Variants in MYMX observed in about 807,000 individuals in gnomAD.
MYMX encodes the protein protein myomixer.
At chr6:44,200,654 G>T in the MYMX span, among the ~76,000 whole-genome samples, 8 of 152,056 alleles carry the variant, frequency 5.3e-5, no homozygotes, top group African/African-American at 1.9e-4. Flanking sequence ...TGGCATTGTG[G>T]TTTTTGCTGC....
the MYMX span, among the ~76,000 whole-genome samples, chr6:44,200,609 C>T: frequency 6.6e-6 from 1 of 152,224 alleles, no homozygotes. Flanking sequence ...GCCATCGCGC[C>T]TGGCCATCAG....
the MYMX span, among the ~76,000 whole-genome samples, chr6:44,200,169 T>C: frequency 6.7e-6 from 1 of 149,620 alleles, no homozygotes. Flanking sequence ...AGCCTACCTC[T>C]TAAAAAAAAA....
chr6:44,197,171 G>A, the MYMX span, among the ~76,000 whole-genome samples: 1 of 152,208 alleles, frequency 6.6e-6, no homozygotes, highest in African/African-American at 2.4e-5. Context: ...AGGAAGCAGA[G>A]GCTGCAGTGA....
chr6:44,198,152 C>CTTT, the MYMX span, among the ~76,000 whole-genome samples: 2 of 137,276 alleles, frequency 1.5e-5, no homozygotes, highest in South Asian at 2.3e-4. Flanking sequence ...TCCCAAATTC[C>CTTT]TCTTTTTTTT....
At position 44,217,804 on chromosome 6, in the gene MYMX, C is replaced by T. The variant is rs1403223833; in HGVS notation, c.*78C>T. The T allele has an allele frequency of 3.5e-5, 14 of 400,300 alleles. No homozygotes were observed. Among genetic ancestry groups the T allele is most frequent in the Non-Finnish European group, 5.7e-5 (13 of 226,282 alleles). The allele number at this position is 400,300 out of a possible 1,614,324, so 24.8% of individuals were successfully genotyped here. On this transcript the variant is annotated 3_prime_UTR_variant, in exon 2 of 2. Transcript: ENST00000573382. The stretch of plus-strand genomic sequence containing the variant: ...GGATAATCCTGGCACCAGCACTGAC[C>T]GAAGCCTGCCCAGTGGACAGAAGAT...
At chr6:44,196,484 G>A in the MYMX span, among the ~76,000 whole-genome samples, 2 of 152,028 alleles carry the variant, frequency 1.3e-5, no homozygotes, top group African/African-American at 4.8e-5. Context: ...TTTGAGACCA[G>A]CCTGGCCAAC....
chr6:44,211,361 T>G, the MYMX span, among the ~76,000 whole-genome samples: 1 of 152,276 alleles, frequency 6.6e-6, no homozygotes, highest in East Asian at 1.9e-4. Flanking sequence ...GTTAGGAAAC[T>G]TATAAGGTAT....
At chr6:44,214,862 C>T (rs1775777039), upstream of MYMX, among the ~76,000 whole-genome samples, 1 of 152,050 alleles carries the variant, frequency 6.6e-6, no homozygotes. Context: ...TATGAGCCAC[C>T]ATGTCTGGCT....
chr6:44,199,684 G>T, the MYMX span, among the ~76,000 whole-genome samples: 3 of 127,092 alleles, frequency 2.4e-5, no homozygotes, highest in Admixed American at 9.0e-5. Context: ...ATTTGGGGGA[G>T]AACTAATTTT....
At chr6:44,194,482 C>T in the MYMX span, among the ~76,000 whole-genome samples, 3 of 152,304 alleles carry the variant, frequency 2.0e-5, no homozygotes, top group East Asian at 1.9e-4. Flanking sequence ...CATGGTGTGG[C>T]GTGGCAAGGT....
At chr6:44,208,723 G>C in the MYMX span, among the ~76,000 whole-genome samples, 2 of 152,254 alleles carry the variant, frequency 1.3e-5, no homozygotes, top group East Asian at 3.9e-4. Flanking sequence ...AAGCACCTAG[G>C]GTGAGTGGCA....
At chr6:44,196,839 T>TA in the MYMX span, among the ~76,000 whole-genome samples, 1 of 151,946 alleles carries the variant, frequency 6.6e-6, no homozygotes, top group Non-Finnish European at 1.5e-5. Context: ...ATGCCTGTAA[T>TA]CCCAGCTGCT....
chr6:44,199,541 G>A, the MYMX span, among the ~76,000 whole-genome samples: 1 of 151,922 alleles, frequency 6.6e-6, no homozygotes, highest in African/African-American at 2.4e-5. Context: ...GTTATTCTTG[G>A]TCTTTTTTTC....
At chr6:44,215,944 A>C (rs961930512), upstream of MYMX, among the ~76,000 whole-genome samples, 1 of 152,238 alleles carries the variant, frequency 6.6e-6, no homozygotes, top group African/African-American at 2.4e-5. Context: ...CATAAAACCC[A>C]GGCTATAAAC....
At chr6:44,212,077 A>C (rs1212500517), upstream of MYMX, among the ~76,000 whole-genome samples, 1 of 152,050 alleles carries the variant, frequency 6.6e-6, no homozygotes, top group Non-Finnish European at 1.5e-5. Context: ...TGCCTGGCTA[A>C]AAGAGAGGAT....
At chr6:44,198,386 CG>C in the MYMX span, among the ~76,000 whole-genome samples, 1 of 151,734 alleles carries the variant, frequency 6.6e-6, no homozygotes, top group Non-Finnish European at 1.5e-5. Context: ...AGGATGGTCT[CG>C]ATCTCCTGAC....
the MYMX span, among the ~76,000 whole-genome samples, chr6:44,195,632 A>G: frequency 7.8e-6 from 1 of 127,684 alleles, no homozygotes; most frequent in African/African-American, 2.5e-5. Context: ...ATACCTGGCT[A>G]TGTTTCTACT....
At chr6:44,213,329 T>A (rs1188148511), upstream of MYMX, among the ~76,000 whole-genome samples, 2 of 151,376 alleles carry the variant, frequency 1.3e-5, no homozygotes, top group African/African-American at 4.9e-5. Flanking sequence ...GAGGTTGTAG[T>A]GAGCTGAGAT....
chr6:44,203,039 CTT>C, the MYMX span, among the ~76,000 whole-genome samples: 1 of 152,204 alleles, frequency 6.6e-6, no homozygotes, highest in Non-Finnish European at 1.5e-5. Flanking sequence ...TGGGATGTGA[CTT>C]AGCCAAGGTC....
Sources: gnomAD v4.1 joint callset for allele counts (sites outside exome capture counted in the v4.1 genomes callset) on GRCh38, gnomAD v4.1.1 for gene constraint, MANE v1.5 for transcripts, NCBI Gene and HGNC (gene_info 2026-07-23, HGNC 2026-07-21) for gene names.